The following AHI1 variants were observed in gnomAD, a reference collection of about 807,000 sequenced individuals.
AHI1 encodes the protein jouberin.
A neutral mutation model predicts 149.3 loss-of-function variants in AHI1; 123 were observed. The ratio of observed to expected loss-of-function variants is 0.82; its 90% CI spans 0.71 to 0.96. AHI1 has a LOEUF of 0.96. Ranked by LOEUF, AHI1 falls within the 40% of genes least tolerant of loss-of-function variation. The probability of loss-of-function intolerance (pLI) is 0.00; values close to 1 mark genes in which losing one functional copy is unlikely to be tolerated. For synonymous variants in AHI1, 475 were observed against 459.8 expected (o/e 1.03, Z -0.42); for missense variants, 1,439 against 1,422.7 (o/e 1.01, Z -0.18).
intron 23 of AHI1, among the ~76,000 whole-genome samples, chr6:135,372,536 A>G (rs1275349802): frequency 1.3e-5 from 2 of 151,148 alleles, no homozygotes; most frequent in Non-Finnish European, 1.5e-5. Flanking sequence ...AAAAAGAAAA[A>G]AAAAATTAGC....
At chr6:135,314,970 C>T (rs191485153) in intron 26 of AHI1, among the ~76,000 whole-genome samples, 2 of 152,222 alleles carry the variant, frequency 1.3e-5, no homozygotes, top group African/African-American at 4.8e-5. Context: ...CGTCCTATTT[C>T]ACCAACTAAA....
chr6:135,369,488 C>T (rs1316195586), intron 23 of AHI1, among the ~76,000 whole-genome samples: 1 of 152,182 alleles, frequency 6.6e-6, no homozygotes, highest in Non-Finnish European at 1.5e-5. Context: ...CTGATGACTG[C>T]TTCTCCTTGC....
chr6:135,426,186 A>G (rs1783887918), intron 20 of AHI1, among the ~76,000 whole-genome samples: 1 of 151,698 alleles, frequency 6.6e-6, no homozygotes, highest in Admixed American at 6.6e-5. Flanking sequence ...ATCTTTGCTA[A>G]TGTCTGCTTG....
chr6:135,291,966 T>A (rs2128340712), intron 27 of AHI1, among the ~76,000 whole-genome samples: 1 of 152,292 alleles, frequency 6.6e-6, no homozygotes, highest in East Asian at 1.9e-4. Flanking sequence ...GGATGACTCA[T>A]CTAAAGGAGG....
At chr6:135,311,164 T>C (rs2128365923) in intron 26 of AHI1, among the ~76,000 whole-genome samples, 1 of 152,058 alleles carries the variant, frequency 6.6e-6, no homozygotes, top group South Asian at 2.1e-4. Context: ...TAGCAGGGCA[T>C]GGTGGCCCAC....
chr6:135,432,889 T>C (rs1227221979), intron 16 of AHI1, 138 bp downstream of exon 16: 1 of 629,862 alleles, frequency 1.6e-6, no homozygotes, highest in East Asian at 2.7e-5. Context: ...GTCATATCTA[T>C]CATATGACCT....
intron 20 of AHI1, among the ~76,000 whole-genome samples, chr6:135,419,294 T>G (rs1301839962): frequency 6.6e-6 from 1 of 152,108 alleles, no homozygotes; most frequent in Non-Finnish European, 1.5e-5. Context: ...TACATGCTAT[T>G]CTGCTCTTGT....
chr6:135,313,962 G>C (rs4896143), intron 26 of AHI1, among the ~76,000 whole-genome samples: 102,898 of 152,078 alleles, frequency 0.68, 36,083 homozygotes, highest in African/African-American at 0.88. Flanking sequence ...AAGACTGTAT[G>C]TTTCATAGCA....
intron 5 of AHI1, among the ~76,000 whole-genome samples, chr6:135,469,159 C>A (rs1041354426): frequency 6.6e-6 from 1 of 152,210 alleles, no homozygotes; most frequent in Non-Finnish European, 1.5e-5. Flanking sequence ...AGCTTATCCA[C>A]CACCATCAAG....
At chr6:135,446,489 A>G (rs1466925730) in intron 13 of AHI1, among the ~76,000 whole-genome samples, 1 of 152,156 alleles carries the variant, frequency 6.6e-6, no homozygotes, top group Non-Finnish European at 1.5e-5. Flanking sequence ...CCCCTATGTG[A>G]TAGTATTTAG....
At chr6:135,290,179 A>G (rs1782162588) in intron 28 of AHI1, among the ~76,000 whole-genome samples, 1 of 152,220 alleles carries the variant, frequency 6.6e-6, no homozygotes, top group Non-Finnish European at 1.5e-5. Flanking sequence ...TCTAAAGAGA[A>G]TAAGACTATT....
chr6:135,304,917 T>C (rs187838864), intron 26 of AHI1: 4 of 152,370 alleles, frequency 2.6e-5, no homozygotes, highest in African/African-American at 9.6e-5. Flanking sequence ...AACATCTATT[T>C]AATCTTTGAG....
At chr6:135,412,434 A>T (rs1308043428) in intron 20 of AHI1, among the ~76,000 whole-genome samples, 1 of 152,222 alleles carries the variant, frequency 6.6e-6, no homozygotes, top group Non-Finnish European at 1.5e-5. Context: ...TCCCTTATAG[A>T]TCATGCAAGA....
intron 14 of AHI1, among the ~76,000 whole-genome samples, chr6:135,439,352 A>G (rs960580207): frequency 2.0e-5 from 3 of 152,220 alleles, no homozygotes; most frequent in African/African-American, 7.2e-5. Context: ...CCTGTGTTCA[A>G]TGTATCCATG....
intron 23 of AHI1, among the ~76,000 whole-genome samples, chr6:135,377,669 C>T (rs1045165859): frequency 2.6e-5 from 4 of 151,760 alleles, no homozygotes; most frequent in Admixed American, 6.6e-5. Flanking sequence ...TTTGTAGTAA[C>T]GGGGTCTCAC....
chr6:135,366,404 TC>T (rs1464857413), intron 23 of AHI1, among the ~76,000 whole-genome samples: 1 of 152,232 alleles, frequency 6.6e-6, no homozygotes, highest in Non-Finnish European at 1.5e-5. Context: ...CAGCTGTGAA[TC>T]CATCTAGTCC....
chr6:135,354,683 G>C (rs1792684827), intron 24 of AHI1, among the ~76,000 whole-genome samples: 1 of 152,068 alleles, frequency 6.6e-6, no homozygotes. Context: ...ACTTACTATA[G>C]GCGATAAGCA....
At chr6:135,422,281 C>G (rs914068195) in intron 20 of AHI1, among the ~76,000 whole-genome samples, 1 of 152,038 alleles carries the variant, frequency 6.6e-6, no homozygotes, top group African/African-American at 2.4e-5. Context: ...CTTTGGGAGG[C>G]CAAGGTGGGC....
Position 135,292,238 on chromosome 6 carries a change from ATTC to A in AHI1, c.3486-1716_3486-1714del, listed in dbSNP as rs544813869. 1.1e-4 allele frequency among the ~76,000 whole-genome samples: 17 copies of A among 152,084 alleles called. 1 individual carries two copies. The highest frequency in any genetic ancestry group is 3.4e-3 in the Middle Eastern group (1 of 294). On this transcript the variant is annotated intron_variant, in intron 27 of 28. Coordinates refer to ENST00000265602, the MANE Select transcript of AHI1 (RefSeq NM_001134831.2). Reference sequence around the variant, plus strand: ...CCTTAGCTCCTGACTTCTAGGCCCTATTCTTCTTGTTTACCCCGTCGTGTCTAT... The same window carrying A: ...CCTTAGCTCCTGACTTCTAGGCCCTATTCTTGTTTACCCCGTCGTGTCTAT...
Sources: gnomAD v4.1 joint callset for allele counts (sites outside exome capture counted in the v4.1 genomes callset) on GRCh38, gnomAD v4.1.1 for gene constraint, MANE v1.5 for transcripts, NCBI Gene and HGNC (gene_info 2026-07-23, HGNC 2026-07-21) for gene names.